The following ADD1 variants were observed in gnomAD, a reference collection of about 807,000 sequenced individuals.
ADD1 encodes adducin 1, also known as alpha-adducin.
Under a neutral mutation model 80.5 loss-of-function variants are expected in ADD1, and 24 were observed. The observed-to-expected ratio is 0.30, with a 90% CI of 0.22 to 0.42. ADD1 has a LOEUF of 0.42. Among genes scored for constraint, ADD1 ranks in the 10% least tolerant of loss-of-function variants. The pLI, the probability that ADD1 is intolerant of heterozygous loss-of-function variation, is 1.00. For missense variants in ADD1, 948 were observed against 1,019.0 expected, an observed-to-expected ratio of 0.93 and a Z score of 0.95; for synonymous variants, 373 against 393.8, an observed-to-expected ratio of 0.95 and a Z score of 0.63.
chr4:2,863,483 T>C (rs981801401), intron 1 of ADD1, among the ~76,000 whole-genome samples: 1 of 152,178 alleles, frequency 6.6e-6, no homozygotes, highest in Non-Finnish European at 1.5e-5. Flanking sequence ...CCAAGTGTTA[T>C]GACAGGGATC....
In ADD1 at chr4:2,888,400, AATTATT is replaced by A. The variant is rs34400467; in HGVS notation, c.510+3762_510+3767del. ...GGCCCAGCATTATTTGTAATAATGAAATTATTATTATTATTATTATTATTATTATTA... is the reference window on the plus strand; with the variant it reads ...GGCCCAGCATTATTTGTAATAATGAAATTATTATTATTATTATTATTATTA... On this transcript the variant is annotated intron_variant, in intron 4 of 15. Transcript: ENST00000683351. Among the ~76,000 whole-genome samples the A allele has an allele frequency of 1.6e-3, 222 of 139,954 alleles. 1 individual carries two copies. Among genetic ancestry groups the A allele is most frequent in the South Asian group, 9.5e-3 (41 of 4,316 alleles). 91.8% of individuals were successfully genotyped at this position (139,954 alleles called of 152,430 possible).
At chr4:2,890,622 A>G (rs1279713854) in intron 4 of ADD1, among the ~76,000 whole-genome samples, 1 of 151,974 alleles carries the variant, frequency 6.6e-6, no homozygotes, top group Non-Finnish European at 1.5e-5. Flanking sequence ...TTTAGCCAGG[A>G]TGGTCTCCAT....
At chr4:2,924,403 A>G (rs970500833) in intron 14 of ADD1, among the ~76,000 whole-genome samples, 14 of 152,248 alleles carry the variant, frequency 9.2e-5, no homozygotes, top group Admixed American at 9.1e-4. Context: ...TGGCACCAAG[A>G]AGAACCAGGG....
intron 13 of ADD1, among the ~76,000 whole-genome samples, chr4:2,909,866 A>T (rs1453135874): frequency 6.6e-6 from 1 of 151,454 alleles, no homozygotes; most frequent in East Asian, 1.9e-4. Flanking sequence ...AATGTCATGA[A>T]TGTAGCCACT....
At chr4:2,847,864 T>G (rs1726488789) in intron 1 of ADD1, among the ~76,000 whole-genome samples, 2 of 152,104 alleles carry the variant, frequency 1.3e-5, no homozygotes, top group South Asian at 4.2e-4. Flanking sequence ...AAGCCTTTCC[T>G]AAGGAGGCAA....
rs969620781 is a variant in ADD1 at position 2,885,809 on chromosome 4, A to T, written c.510+1143A>T. Among the ~76,000 whole-genome samples, 5 of 151,886 alleles carry T rather than the reference A, an allele frequency of 3.3e-5. No homozygotes were observed. The South Asian group carries it at 1.0e-3, about 32-fold the overall frequency. On this transcript the variant is annotated intron_variant, in intron 4 of 15. Coordinates refer to ENST00000683351, the MANE Select transcript of ADD1 (RefSeq NM_001354761.2). Reference sequence around the variant, plus strand: ...GTATTTTTAGTAGAGACGGGGTTTCACCGTGTTAGCCAGGATGGTCTCGAT... The same window carrying T: ...GTATTTTTAGTAGAGACGGGGTTTCTCCGTGTTAGCCAGGATGGTCTCGAT...
At chr4:2,850,670 C>T (rs989601521) in intron 1 of ADD1, among the ~76,000 whole-genome samples, 7 of 152,206 alleles carry the variant, frequency 4.6e-5, no homozygotes, top group Non-Finnish European at 1.0e-4. Context: ...CATGATCCGC[C>T]CGCCTCGGCC....
chr4:2,908,736 C>T lies in ADD1; in HGVS notation c.1698+132C>T. The T allele has an allele frequency of 4.0e-6, 3 of 758,750 alleles. No individual in the cohort carries two copies. The South Asian group carries it at 5.2e-5, about 13-fold the overall frequency. The allele number at this position is 758,750 out of a possible 1,614,324, so 47.0% of individuals were successfully genotyped here. On this transcript the variant is annotated intron_variant, in intron 12 of 15. Coordinates refer to ENST00000683351, the MANE Select transcript of ADD1 (RefSeq NM_001354761.2). ...GGCAACCAGTTACCTTTGTTAAAAC[C>T]TTCATGATGAGAAACGGTTCAGGCA... is the stretch of plus-strand genomic sequence containing the variant.
Position 2,875,871 on chromosome 4 carries a change from A to G in ADD1, c.-20-25A>G, listed in dbSNP as rs970456826. 11 of 1,509,020 alleles carry G rather than the reference A, an allele frequency of 7.3e-6. No homozygotes were observed. In the African/African-American group the frequency reaches 1.5e-4, roughly 21 times the overall value. The allele number at this position is 1,509,020 out of a possible 1,614,324, so 93.5% of individuals were successfully genotyped here. A position where few individuals can be genotyped will look rare whatever the true frequency, so the allele number is the denominator to read the frequency against. On this transcript the variant is annotated intron_variant, in intron 1 of 15. Transcript: ENST00000683351. ...TGTTAGACATTGATTTGAAAACAAT[A>G]ATTTCTTTTATTTTGATTCTGTAGG...
chr4:2,903,068 A>C (rs531406219), intron 9 of ADD1, among the ~76,000 whole-genome samples: 1 of 152,136 alleles, frequency 6.6e-6, no homozygotes, highest in Non-Finnish European at 1.5e-5. Context: ...AAATATTGAA[A>C]GAGTGATTAG....
At position 2,907,783 on chromosome 4, in the gene ADD1, T is replaced by G. The variant is rs771320941; in HGVS notation, c.1547T>G (p.Val516Gly). Residue 516 changes from valine to glycine, a missense_variant, in exon 11 of 16, where the codon GTC becomes GGC. Val to Gly is a moderately radical substitution (Grantham distance 109). Coordinates refer to ENST00000683351, the MANE Select transcript of ADD1 (RefSeq NM_001354761.2). ...GGACATAGAACTTCCACCTCTGCTG[T>G]CCCTAACCTGTTTGTTCCATTGAAC... is the stretch of plus-strand genomic sequence containing the variant. ...EDGHRTSTSA[V>G]PNLFVPLNTN... 1 of 1,614,144 alleles carries G rather than the reference T, an allele frequency of 6.2e-7. No individual in the cohort carries two copies. Among genetic ancestry groups the G allele is most frequent in the Non-Finnish European group, 8.5e-7 (1 of 1,180,024 alleles).
At chr4:2,915,765 G>A (rs58059873) in intron 14 of ADD1, among the ~76,000 whole-genome samples, 2,912 of 152,184 alleles carry the variant, frequency 0.019, 60 homozygotes, top group African/African-American at 0.046. Flanking sequence ...CGGAGGTTGC[G>A]GTGAGCCGAG....
intron 1 of ADD1, chr4:2,844,968 G>A (rs1725955079): frequency 6.6e-6 from 1 of 152,032 alleles, no homozygotes. Flanking sequence ...TGGATGAGTA[G>A]GAGTTCAACA....
intron 1 of ADD1, among the ~76,000 whole-genome samples, chr4:2,871,318 C>A (rs1048826210): frequency 1.3e-5 from 2 of 152,052 alleles, no homozygotes; most frequent in Admixed American, 1.3e-4. Flanking sequence ...ATTTACCTGT[C>A]GATCATACCA....
chr4:2,857,910 A>G (rs1728308745), intron 1 of ADD1, among the ~76,000 whole-genome samples: 1 of 152,208 alleles, frequency 6.6e-6, no homozygotes, highest in Admixed American at 6.5e-5. Flanking sequence ...TGGGGCAGAA[A>G]ATACATGCTT....
intron 2 of ADD1, among the ~76,000 whole-genome samples, chr4:2,879,430 C>T (rs1731877967): frequency 6.6e-6 from 1 of 152,142 alleles, no homozygotes; most frequent in Non-Finnish European, 1.5e-5. Flanking sequence ...AAAACAGCGC[C>T]TGGTACTTAG....
intron 1 of ADD1, among the ~76,000 whole-genome samples, chr4:2,867,025 C>T (rs1465559179): frequency 6.6e-6 from 1 of 152,124 alleles, no homozygotes; most frequent in Non-Finnish European, 1.5e-5. Flanking sequence ...GAGCCAACAT[C>T]ACGCCACTGC....
intron 6 of ADD1, among the ~76,000 whole-genome samples, chr4:2,896,681 A>G (rs1006846760): frequency 1.3e-5 from 2 of 152,120 alleles, no homozygotes; most frequent in Non-Finnish European, 2.9e-5. Flanking sequence ...CACTCCAGCC[A>G]CTAAAATGTT....
At chr4:2,904,626 A>G in intron 9 of ADD1, 138 bp from the exon 10 acceptor site, 1 of 770,478 alleles carries the variant, frequency 1.3e-6, no homozygotes, top group African/African-American at 1.8e-5. Flanking sequence ...TGTGGGGTGT[A>G]AAATTAGGAG....
Sources: allele counts gnomAD v4.1 joint callset (sites outside exome capture counted in the v4.1 genomes callset), GRCh38; gene constraint gnomAD v4.1.1; transcripts MANE v1.5; gene names NCBI Gene and HGNC (gene_info 2026-07-23, HGNC 2026-07-21).